Variants in RFX2 observed in about 807,000 individuals in gnomAD.
RFX2 encodes the protein regulatory factor X2.
Under a neutral mutation model 87.8 loss-of-function variants are expected in RFX2, and 20 were observed. The observed-to-expected ratio is 0.23, with a 90% confidence interval of 0.16 to 0.33. RFX2 has a LOEUF of 0.33. RFX2 is among the 10% of genes least tolerant of loss of function. The probability of loss-of-function intolerance (pLI) is 1.00; values close to 1 mark genes in which losing one functional copy is unlikely to be tolerated. For synonymous variants in RFX2, 397 were observed against 431.3 expected, an observed-to-expected ratio of 0.92 and a Z score of 0.98; for missense variants, 767 against 1,012.3, an observed-to-expected ratio of 0.76 and a Z score of 3.29.
chr19:6,072,803 G>T, intron 1 of RFX2: 1 of 993,182 alleles, frequency 1.0e-6, no homozygotes. Context: ...GGAGGTGGCA[G>T]CTGTCTCCTC....
chr19:6,030,242 T>C (rs1344719405), intron 5 of RFX2, among the ~76,000 whole-genome samples: 2 of 152,158 alleles, frequency 1.3e-5, no homozygotes, highest in Admixed American at 6.5e-5. Context: ...GAGAGAATCC[T>C]AGAAGCAGTA....
chr19:6,092,953 TA>T (rs142775072), intron 1 of RFX2, among the ~76,000 whole-genome samples: 2 of 151,362 alleles, frequency 1.3e-5, no homozygotes, highest in African/African-American at 2.4e-5. Flanking sequence ...ACGCATGTGG[TA>T]AAAAAAAGGC....
rs564340524 is a variant in RFX2 at position 6,066,673 on chromosome 19, C to T, written c.-8-19169G>A. ...CTTTCAAGCAGATCCCGAGTGGATC[C>T]ATGTCTGCCTGTTGTGGCAAATCAA... is the stretch of plus-strand genomic sequence containing the variant. On this transcript the variant is annotated intron_variant, in intron 1 of 17. Coordinates refer to ENST00000303657, the MANE Select transcript of RFX2 (RefSeq NM_000635.4). 1.2e-4 allele frequency among the ~76,000 whole-genome samples: 18 copies of T among 152,304 alleles called. No homozygotes were observed. In the South Asian group the frequency reaches 3.7e-3, roughly 32 times the overall value.
intron 6 of RFX2, among the ~76,000 whole-genome samples, chr19:6,018,868 T>C (rs2086766922): frequency 1.3e-5 from 2 of 152,066 alleles, no homozygotes; most frequent in South Asian, 4.1e-4. Context: ...CAAACATCCC[T>C]CCTTACCAAA....
At chr19:6,089,617 G>A (rs527507579) in intron 1 of RFX2, among the ~76,000 whole-genome samples, 3 of 152,302 alleles carry the variant, frequency 2.0e-5, no homozygotes, top group Admixed American at 6.5e-5. Flanking sequence ...CTTCCATCAC[G>A]TGAGGACACA....
intron 1 of RFX2, among the ~76,000 whole-genome samples, chr19:6,103,702 C>T (rs998713440): frequency 2.0e-5 from 3 of 152,158 alleles, no homozygotes; most frequent in African/African-American, 7.2e-5. Flanking sequence ...TTTGTTCTTA[C>T]GAAGCACTTA....
At chr19:6,052,790 C>T (rs181591895) in intron 1 of RFX2, among the ~76,000 whole-genome samples, 1 of 152,004 alleles carries the variant, frequency 6.6e-6, no homozygotes, top group Non-Finnish European at 1.5e-5. Context: ...TCAAAATAAT[C>T]CATGGGTCAA....
intron 1 of RFX2, among the ~76,000 whole-genome samples, chr19:6,069,896 G>A (rs543895519): frequency 6.6e-6 from 1 of 152,116 alleles, no homozygotes; most frequent in African/African-American, 2.4e-5. Context: ...GCGGGTTTCT[G>A]AAAATGAAAG....
intron 1 of RFX2, among the ~76,000 whole-genome samples, chr19:6,099,505 G>A (rs544763175): frequency 1.3e-5 from 2 of 151,754 alleles, no homozygotes; most frequent in Non-Finnish European, 2.9e-5. Flanking sequence ...TCTCAGGCAC[G>A]GGCTGCGTGA....
intron 1 of RFX2, among the ~76,000 whole-genome samples, chr19:6,055,120 C>T (rs1330231941): frequency 1.3e-5 from 2 of 152,148 alleles, no homozygotes; most frequent in Non-Finnish European, 2.9e-5. Context: ...TCATTAGTCA[C>T]TAGGGAAATG....
chr19:6,000,276 C>T (rs181603925), intron 15 of RFX2, among the ~76,000 whole-genome samples: 17 of 152,318 alleles, frequency 1.1e-4, no homozygotes, highest in Admixed American at 3.9e-4. Context: ...TGAGCCACTG[C>T]GCCCGGCCAG....
At chr19:6,088,514 AT>A (rs111725429) in intron 1 of RFX2, among the ~76,000 whole-genome samples, 6 of 151,072 alleles carry the variant, frequency 4.0e-5, no homozygotes, top group East Asian at 1.9e-4. Flanking sequence ...CCAGCCCAGC[AT>A]TTTTTTTTAA....
Position 6,044,377 on chromosome 19 carries a change from C to T in RFX2, c.91-95G>A. ...AAGATGCTGTTTGTCTGTTCATGTG[C>T]TTTTTATTAAAACATAGGCAGGACT... On this transcript the variant is annotated intron_variant, in intron 2 of 17. Transcript: ENST00000303657. The surrounding 1 kb of genome is among the most constrained non-coding windows in gnomAD (Gnocchi z 5.3). 1.2e-6 allele frequency: 1 copy of T among 829,166 alleles called. No homozygotes were observed. The highest frequency in any genetic ancestry group is 1.7e-6 in the Non-Finnish European group (1 of 571,606). The allele number at this position is 829,166 out of a possible 1,614,324, so 51.4% of individuals were successfully genotyped here.
At chr19:6,091,488 CA>C (rs537340208) in intron 1 of RFX2, among the ~76,000 whole-genome samples, 11 of 151,184 alleles carry the variant, frequency 7.3e-5, no homozygotes, top group African/African-American at 2.4e-4. Flanking sequence ...AATTTTATCA[CA>C]ATTGAAAAAA....
At chr19:6,105,846 T>C (rs1180582818) in intron 1 of RFX2, among the ~76,000 whole-genome samples, 1 of 151,966 alleles carries the variant, frequency 6.6e-6, no homozygotes, top group Non-Finnish European at 1.5e-5. Flanking sequence ...CCAACGAGTT[T>C]GGGGGGTGCT....
chr19:6,106,859 T>C (rs2088224814), intron 1 of RFX2, among the ~76,000 whole-genome samples: 2 of 148,138 alleles, frequency 1.4e-5, no homozygotes, highest in Admixed American at 1.4e-4. Flanking sequence ...ATATACATGT[T>C]TTAATATTTC....
In RFX2 at chr19:6,070,751, G is replaced by A. The variant is rs150589316; in HGVS notation, c.-8-23247C>T. Among the ~76,000 whole-genome samples the A allele has an allele frequency of 6.6e-3, 1,004 of 152,280 alleles. 3 individuals are homozygous for A. Among genetic ancestry groups the A allele is most frequent in the Non-Finnish European group, 0.01 (713 of 68,010 alleles). ...GGGTCTTGCTCTGTCACCCAGGCTGGAGTACAGTGGTTGGATCATAGCTCA... is the reference window on the plus strand; with the variant it reads ...GGGTCTTGCTCTGTCACCCAGGCTGAAGTACAGTGGTTGGATCATAGCTCA... On this transcript the variant is annotated intron_variant, in intron 1 of 17. Transcript: ENST00000303657.
intron 16 of RFX2, among the ~76,000 whole-genome samples, chr19:5,996,408 G>A (rs1294931311): frequency 9.9e-6 from 1 of 101,054 alleles, no homozygotes; most frequent in Non-Finnish European, 2.1e-5. Flanking sequence ...GCTTTGACCC[G>A]GGCCGCAGCG....
chr19:6,006,864 TCACTGGCATGAGC>T, intron 12 of RFX2, 135 bp downstream of exon 12: 1 of 811,766 alleles, frequency 1.2e-6, no homozygotes, highest in Non-Finnish European at 1.9e-6. Flanking sequence ...AGTGTGGGGA[TCACTGGCATGAGC>T]CACCGCGCCC....
Sources: gnomAD v4.1 joint callset for allele counts (sites outside exome capture counted in the v4.1 genomes callset) on GRCh38, gnomAD v4.1.1 for gene constraint, Gnocchi (gnomAD v3.1) non-coding constraint, MANE v1.5 for transcripts, NCBI Gene and HGNC (gene_info 2026-07-23, HGNC 2026-07-21) for gene names.